Variants in R3HDM1 observed in about 807,000 individuals in gnomAD.
R3HDM1 encodes R3H domain containing 1.
A neutral mutation model predicts 141.1 loss-of-function variants in R3HDM1; 46 were observed. That is an observed-to-expected ratio of 0.33 (90% CI 0.26 to 0.42). The LOEUF (loss-of-function observed/expected upper bound fraction) is 0.42. Ranked by LOEUF, R3HDM1 falls within the 10% of genes least tolerant of loss-of-function variation. R3HDM1 has a pLI of 1.00. For synonymous variants in R3HDM1, 435 were observed against 472.9 expected, an observed-to-expected ratio of 0.92 and a Z score of 1.04; for missense variants, 1,184 against 1,368.3, an observed-to-expected ratio of 0.87 and a Z score of 2.12.
intron 16 of R3HDM1, among the ~76,000 whole-genome samples, chr2:135,649,513 C>A (rs2064902662): frequency 6.6e-6 from 1 of 152,064 alleles, no homozygotes; most frequent in Non-Finnish European, 1.5e-5. Context: ...TGTTATACTG[C>A]AAAATAGGGC....
intron 18 of R3HDM1, among the ~76,000 whole-genome samples, chr2:135,659,785 T>A (rs1296230923): frequency 2.0e-5 from 3 of 152,182 alleles, no homozygotes; most frequent in Middle Eastern, 3.2e-3. Context: ...TGTAAATACA[T>A]AAACCAATAA....
intron 1 of R3HDM1, among the ~76,000 whole-genome samples, chr2:135,537,920 C>T (rs893779570): frequency 6.6e-5 from 10 of 152,076 alleles, no homozygotes; most frequent in Non-Finnish European, 8.8e-5. Context: ...AAATGTCCTT[C>T]GCTGCGTGAA....
chr2:135,590,483 A>G (rs1454568806), intron 1 of R3HDM1: 1 of 897,142 alleles, frequency 1.1e-6, no homozygotes, highest in African/African-American at 1.8e-5. Flanking sequence ...AAATATGAAT[A>G]ACTACTAAAA....
At chr2:135,564,316 C>T (rs1442808423) in intron 1 of R3HDM1, among the ~76,000 whole-genome samples, 2 of 151,954 alleles carry the variant, frequency 1.3e-5, no homozygotes, top group Non-Finnish European at 2.9e-5. Context: ...GAAAAATTTC[C>T]TTTTTTTGTT....
intron 1 of R3HDM1, among the ~76,000 whole-genome samples, chr2:135,547,796 C>T (rs1699043927): frequency 8.7e-6 from 1 of 114,924 alleles, no homozygotes; most frequent in Non-Finnish European, 1.6e-5. Flanking sequence ...TTTCTTGAGA[C>T]AGAGTCTTGC....
intron 1 of R3HDM1, among the ~76,000 whole-genome samples, chr2:135,599,283 AT>A (rs796155089): frequency 2.1e-4 from 31 of 150,364 alleles, no homozygotes; most frequent in East Asian, 1.4e-3. Context: ...GACAATTAGA[AT>A]TTTTTTTTTG....
chr2:135,689,974 A>T (rs578013261), intron 21 of R3HDM1, among the ~76,000 whole-genome samples: 1 of 152,132 alleles, frequency 6.6e-6, no homozygotes, highest in Admixed American at 6.5e-5. Flanking sequence ...TCTTTGATCT[A>T]TATTCTCAAA....
At chr2:135,706,585 G>T (rs572585666) in intron 21 of R3HDM1, among the ~76,000 whole-genome samples, 2 of 152,084 alleles carry the variant, frequency 1.3e-5, no homozygotes, top group Admixed American at 6.5e-5. Context: ...GACTCTTAAC[G>T]AGCCTGCTGC....
chr2:135,722,489 T>A lies in R3HDM1; in HGVS notation c.2985T>A (p.His995Gln), dbSNP rs752859476. ...PNQQGQPGSR[H>Q]GNRGRRQAKK... ...TTCAGGGTCAGCCTGGCAGCAGGCA[T>A]GGAAACCGAGGAAGGAGACAAGCTA... is the stretch of plus-strand genomic sequence containing the variant. The change falls in exon 26 of 27, where the codon CAT (histidine) becomes CAA (glutamine). Residue 995 changes from histidine (H) to glutamine (Q), a missense_variant. His to Gln is a conservative substitution (Grantham distance 24). Around this residue, in one of 5 missense-constraint regions of R3HDM1, gnomAD observed 182 missense variants for 252.6 expected, o/e 0.72. Transcript: ENST00000683871. 1 of 1,613,812 alleles carries A rather than the reference T, an allele frequency of 6.2e-7. No individual in the cohort carries two copies. The highest frequency in any genetic ancestry group is 8.5e-7 in the Non-Finnish European group (1 of 1,180,016).
At chr2:135,602,831 C>T (rs988933043) in intron 2 of R3HDM1, 123 bp downstream of exon 2, 16 of 803,506 alleles carry the variant, frequency 2.0e-5, no homozygotes, top group African/African-American at 3.6e-5. Flanking sequence ...TGTTTGTTTT[C>T]GGAATGAACC....
chr2:135,576,170 G>A (rs1341192161), intron 1 of R3HDM1, among the ~76,000 whole-genome samples: 1 of 152,090 alleles, frequency 6.6e-6, no homozygotes, highest in Non-Finnish European at 1.5e-5. Context: ...GGGCAAGGCA[G>A]GGGAATGACT....
intron 1 of R3HDM1, among the ~76,000 whole-genome samples, chr2:135,552,319 C>T (rs889311801): frequency 2.6e-5 from 4 of 152,020 alleles, no homozygotes; most frequent in South Asian, 4.1e-4. Context: ...CCTCAGCCTC[C>T]CAAATAGCTG....
chr2:135,587,954 T>C (rs1418405133), intron 1 of R3HDM1, among the ~76,000 whole-genome samples: 1 of 152,056 alleles, frequency 6.6e-6, no homozygotes, highest in Non-Finnish European at 1.5e-5. Context: ...CTTTCCTACT[T>C]TGTCTCAGTC....
intron 11 of R3HDM1, among the ~76,000 whole-genome samples, chr2:135,637,908 T>C (rs2063420333): frequency 6.6e-6 from 1 of 152,176 alleles, no homozygotes; most frequent in Non-Finnish European, 1.5e-5. Context: ...GATACTCAAA[T>C]CTGACTTTTT....
intron 9 of R3HDM1, among the ~76,000 whole-genome samples, chr2:135,635,610 T>G (rs542652662): frequency 6.6e-6 from 1 of 152,318 alleles, no homozygotes; most frequent in Admixed American, 6.5e-5. Flanking sequence ...GTGCAAGTCA[T>G]AAAGCAGCTA....
chr2:135,704,249 G>A (rs1046112132), intron 21 of R3HDM1, among the ~76,000 whole-genome samples: 1 of 152,182 alleles, frequency 6.6e-6, no homozygotes, highest in African/African-American at 2.4e-5. Context: ...CAGAGTGCTG[G>A]GATTACAGGC....
At chr2:135,621,262 G>C (rs2061488473) in intron 5 of R3HDM1, among the ~76,000 whole-genome samples, 1 of 152,024 alleles carries the variant, frequency 6.6e-6, no homozygotes, top group Admixed American at 6.5e-5. Context: ...ATAATGTTGA[G>C]GATTTGTTTT....
chr2:135,721,967 T>C lies in R3HDM1; in HGVS notation c.2925T>C (p.Asn975=), dbSNP rs199595729. The part of the protein sequence containing the change: ...YPLLGQPLQY[N]PPAVLHGHIP... ...TACTTGGCCAGCCACTGCAGTACAATCCTCCTGCTGTTCTGCACGGACACA... is the reference window on the plus strand; with the variant it reads ...TACTTGGCCAGCCACTGCAGTACAACCCTCCTGCTGTTCTGCACGGACACA... Residue 975 remains asparagine, a synonymous_variant, in exon 25 of 27, where the codon AAT becomes AAC. Transcript: ENST00000683871. The C allele has an allele frequency of 1.7e-5, 28 of 1,613,774 alleles. No homozygotes were observed. The highest frequency in any genetic ancestry group is 2.4e-5 in the Non-Finnish European group (28 of 1,179,830).
At chr2:135,716,845 G>A (rs543622407) in intron 24 of R3HDM1, among the ~76,000 whole-genome samples, 14 of 152,158 alleles carry the variant, frequency 9.2e-5, no homozygotes, top group African/African-American at 2.2e-4. Context: ...CCAGCTACTC[G>A]GGAGGCTGAA....
Sources: gnomAD v4.1 joint callset for allele counts (sites outside exome capture counted in the v4.1 genomes callset) on GRCh38, gnomAD v4.1.1 for gene constraint, gnomAD v4.1.1 regional missense constraint, MANE v1.5 for transcripts, NCBI Gene and HGNC (gene_info 2026-07-23, HGNC 2026-07-21) for gene names.